The following PLBD1 variants were observed in gnomAD, a reference collection of about 807,000 sequenced individuals.
The protein encoded by PLBD1 is lysosomal leucine aminopeptidase.
A neutral mutation model predicts 63.0 loss-of-function variants in PLBD1; 60 were observed. The observed-to-expected ratio is 0.95, with a 90% CI of 0.77 to 1.18. The LOEUF (loss-of-function observed/expected upper bound fraction) is 1.18, where lower values mean the gene tolerates loss of function less well. PLBD1 is among the 50% of genes most tolerant of loss of function. The pLI is 0.00. For synonymous variants in PLBD1, 262 were observed against 248.0 expected (o/e 1.06, Z -0.53); for missense variants, 598 against 677.9 (o/e 0.88, Z 1.31).
intron 2 of PLBD1, among the ~76,000 whole-genome samples, chr12:14,548,972 A>C (rs1042674204): frequency 6.6e-6 from 1 of 152,232 alleles, no homozygotes; most frequent in African/African-American, 2.4e-5. Context: ...TCATTTTATT[A>C]AAAATCGATC....
intron 10 of PLBD1, among the ~76,000 whole-genome samples, chr12:14,504,666 A>G (rs545570355): frequency 1.3e-5 from 2 of 152,336 alleles, no homozygotes; most frequent in South Asian, 4.1e-4. Flanking sequence ...GTTCTTAGAA[A>G]AAGTTGTTAT....
At chr12:14,566,356 T>C (rs1283169250) in intron 1 of PLBD1, among the ~76,000 whole-genome samples, 1 of 152,132 alleles carries the variant, frequency 6.6e-6, no homozygotes, top group Admixed American at 6.5e-5. Flanking sequence ...CTCTTGATGA[T>C]GGAAGGTAGT....
intron 6 of PLBD1, among the ~76,000 whole-genome samples, chr12:14,520,134 G>T (rs757743884): frequency 1.3e-5 from 2 of 152,210 alleles, no homozygotes; most frequent in Non-Finnish European, 2.9e-5. Flanking sequence ...ACTGAGATAG[G>T]TGAGTTTGCT....
At chr12:14,508,991 C>G (rs891571829) in intron 8 of PLBD1, among the ~76,000 whole-genome samples, 10 of 141,656 alleles carry the variant, frequency 7.1e-5, no homozygotes, top group Admixed American at 1.4e-4. Flanking sequence ...GATGTGCCCA[C>G]CCCCGACCCC....
Position 14,567,638 on chromosome 12 carries a change from A to C in PLBD1, c.59T>G (p.Leu20Arg). 6.7e-7 allele frequency: 1 copy of C among 1,498,662 alleles called. No individual in the cohort carries two copies. The highest frequency in any genetic ancestry group is 8.8e-7 in the Non-Finnish European group (1 of 1,131,852). The allele number at this position is 1,498,662 out of a possible 1,614,324, so 92.8% of individuals were successfully genotyped here. A position where few individuals can be genotyped will look rare whatever the true frequency, so the allele number is the denominator to read the frequency against. The change falls in exon 1 of 11, where the codon CTG becomes CGG. Residue 20 changes from leucine to arginine, a missense_variant. Leu to Arg is a moderately radical substitution (Grantham distance 102). Transcript: ENST00000240617. Reference protein sequence around the residue: ...PGLPQPPPLLLLLLLLPLLLV... With the variant: ...PGLPQPPPLLRLLLLLPLLLV... ...CAACAGCGGCAGCAGCAGCAGCAGC[A>C]GCAGAAGCGGTGGCGGCTGTGGCAG... is the stretch of plus-strand genomic sequence containing the variant.
Position 14,565,396 on chromosome 12 carries a change from G to A in PLBD1, c.115+2186C>T, listed in dbSNP as rs185042933. On this transcript the variant is annotated intron_variant, in intron 1 of 10. Coordinates refer to ENST00000240617, the MANE Select transcript of PLBD1 (RefSeq NM_024829.6). ...CAGGAGAATTGCTTGAACCAAAGAG[G>A]TGGAGGTTGCAGTGAGCCGAGATCA... is the stretch of plus-strand genomic sequence containing the variant. Among the ~76,000 whole-genome samples, 98 of 151,904 alleles carry A rather than the reference G, an allele frequency of 6.5e-4. 1 individual carries two copies. The highest frequency in any genetic ancestry group is 2.2e-3 in the African/African-American group (89 of 41,378).
intron 1 of PLBD1, among the ~76,000 whole-genome samples, chr12:14,556,630 A>T (rs1433974856): frequency 2.6e-5 from 4 of 151,212 alleles, no homozygotes; most frequent in Admixed American, 6.6e-5. Flanking sequence ...CGGCCTCCCA[A>T]AGTGCTTGGA....
At chr12:14,558,849 A>C (rs752249856) in intron 1 of PLBD1, among the ~76,000 whole-genome samples, 2 of 152,162 alleles carry the variant, frequency 1.3e-5, no homozygotes, top group Non-Finnish European at 2.9e-5. Flanking sequence ...TGCTTTTTTG[A>C]CACTCGTGTA....
chr12:14,508,589 C>T (rs901588166), intron 8 of PLBD1, among the ~76,000 whole-genome samples: 5 of 151,886 alleles, frequency 3.3e-5, no homozygotes, highest in African/African-American at 1.2e-4. Flanking sequence ...GGCAATATGG[C>T]AAGACCCTGC....
intron 8 of PLBD1, among the ~76,000 whole-genome samples, chr12:14,508,662 C>A (rs1242200375): frequency 6.6e-6 from 1 of 151,902 alleles, no homozygotes; most frequent in Non-Finnish European, 1.5e-5. Flanking sequence ...CCCAGCTACT[C>A]GGGAGGCTGA....
chr12:14,503,754 G>A lies in PLBD1; in HGVS notation c.*18C>T. 1 of 1,603,272 alleles carries A rather than the reference G, an allele frequency of 6.2e-7. No homozygotes were observed. Among genetic ancestry groups the A allele is most frequent in the South Asian group, 1.1e-5 (1 of 90,724 alleles). Reference sequence around the variant, plus strand: ...TTGGTATCTTATTTACAGTCTTCTAGTCCGTCATCTCCCTCCTTCATTTTA... The same window carrying A: ...TTGGTATCTTATTTACAGTCTTCTAATCCGTCATCTCCCTCCTTCATTTTA... On this transcript the variant is annotated 3_prime_UTR_variant, in exon 11 of 11. Coordinates refer to ENST00000240617, the MANE Select transcript of PLBD1 (RefSeq NM_024829.6).
chr12:14,556,088 G>C (rs902533765), intron 1 of PLBD1, among the ~76,000 whole-genome samples: 2 of 152,222 alleles, frequency 1.3e-5, no homozygotes, highest in African/African-American at 2.4e-5. Context: ...CTCTGTCTGA[G>C]AAGCCATTAC....
intron 8 of PLBD1, among the ~76,000 whole-genome samples, chr12:14,509,921 T>C (rs16909917): frequency 0.038 from 5,743 of 152,236 alleles, 375 homozygotes; most frequent in African/African-American, 0.13. Context: ...TCCTGTGAAA[T>C]TGTAGAGTTC....
chr12:14,540,868 CT>C lies in PLBD1; in HGVS notation c.453del (p.Glu152AsnfsTer14). ...KQDKWTRKNIKEYKTDSFWRH... is the reference protein window; with the variant it reads ...KQDKWTRKNIXEYKTDSFWRH... ...CTCCAAAATGAATCAGTCTTGTATTCTTTGATATTTTTCCGGGTCCACTTAT... is the reference window on the plus strand; with the variant it reads ...CTCCAAAATGAATCAGTCTTGTATTCTTGATATTTTTCCGGGTCCACTTAT... On this transcript the variant is annotated frameshift_variant, in exon 4 of 11. Transcript: ENST00000240617. LOFTEE classifies it high-confidence loss of function. The C allele has an allele frequency of 6.2e-7, 1 of 1,602,958 alleles. No homozygotes were observed.
At position 14,511,518 on chromosome 12, in the gene PLBD1, G is replaced by A. The variant is rs533334750; in HGVS notation, c.1038C>T (p.Tyr346=). 1 of 1,614,202 alleles carries A rather than the reference G, an allele frequency of 6.2e-7. No individual in the cohort carries two copies. Among genetic ancestry groups the A allele is most frequent in the Admixed American group, 1.7e-5 (1 of 60,028 alleles). ...GKRWADIFSK[Y]NSGTYNNQYM... ...TTCTGCAGGGTCACTTACCAGAGTTGTATTTTGAAAAGATGTCTGCCCACC... is the reference window on the plus strand; with the variant it reads ...TTCTGCAGGGTCACTTACCAGAGTTATATTTTGAAAAGATGTCTGCCCACC... The change falls in exon 7 of 11, where the codon TAC becomes TAT. Residue 346 remains tyrosine, a synonymous_variant. Transcript: ENST00000240617.
intron 6 of PLBD1, among the ~76,000 whole-genome samples, chr12:14,519,167 A>G (rs1945356832): frequency 6.6e-6 from 1 of 152,208 alleles, no homozygotes; most frequent in African/African-American, 2.4e-5. Context: ...AACCCGTGAT[A>G]TGGACTGAAT....
At chr12:14,521,167 C>T (rs1214456987) in intron 6 of PLBD1, among the ~76,000 whole-genome samples, 1 of 152,156 alleles carries the variant, frequency 6.6e-6, no homozygotes, top group Admixed American at 6.6e-5. Context: ...CCATCTTCCC[C>T]ATCCCTGTGG....
At chr12:14,527,444 C>A (rs1283149021) in intron 6 of PLBD1, among the ~76,000 whole-genome samples, 1 of 152,152 alleles carries the variant, frequency 6.6e-6, no homozygotes, top group African/African-American at 2.4e-5. Flanking sequence ...ACTTAAAAAT[C>A]ACTGCCATCA....
At chr12:14,504,096 CTG>C (rs1945229114) in intron 10 of PLBD1, 142 bp from the exon 11 acceptor site, 1 of 767,138 alleles carries the variant, frequency 1.3e-6, no homozygotes. Flanking sequence ...GTTGCCCAGA[CTG>C]GAGTACAGTG....
Sources: gnomAD v4.1 joint callset for allele counts (sites outside exome capture counted in the v4.1 genomes callset) on GRCh38, gnomAD v4.1.1 for gene constraint, MANE v1.5 for transcripts, NCBI Gene and HGNC (gene_info 2026-07-23, HGNC 2026-07-21) for gene names.